The following CSMD1 variants were observed in gnomAD, a reference collection of about 807,000 sequenced individuals.
The protein encoded by CSMD1 is CUB and Sushi multiple domains 1.
Under a neutral mutation model 417.5 loss-of-function variants are expected in CSMD1, and 213 were observed. The observed-to-expected ratio is 0.51, with a 90% CI of 0.46 to 0.57. CSMD1 has a LOEUF of 0.57. Among genes scored for constraint, CSMD1 ranks in the 20% least tolerant of loss-of-function variants. The pLI, the probability that CSMD1 is intolerant of heterozygous loss-of-function variation, is 0.00. For synonymous variants in CSMD1, 2,862 were observed against 1,736.8 expected (o/e 1.65, Z -16.11); for missense variants, 6,923 against 4,529.7 (o/e 1.53, Z -15.17).
chr8:3,819,561 C>CACTT (rs3219854), intron 5 of CSMD1, among the ~76,000 whole-genome samples: 63,278 of 149,682 alleles, frequency 0.42, 14,528 homozygotes, highest in East Asian at 0.61. Context: ...CACACACACA[C>CACTT]GTATGTATAT....
intron 5 of CSMD1, among the ~76,000 whole-genome samples, chr8:3,842,543 T>C (rs1258603982): frequency 1.3e-5 from 2 of 151,976 alleles, no homozygotes; most frequent in Non-Finnish European, 2.9e-5. Flanking sequence ...AGGTCAGAAA[T>C]TGTAAATCCT....
At chr8:4,640,449 G>A (rs1049586939) in intron 1 of CSMD1, among the ~76,000 whole-genome samples, 2 of 152,112 alleles carry the variant, frequency 1.3e-5, no homozygotes, top group Non-Finnish European at 2.9e-5. Context: ...GAACAGAATA[G>A]AAAGCCATAA....
intron 37 of CSMD1, among the ~76,000 whole-genome samples, chr8:3,163,546 C>A (rs549121333): frequency 1.0e-3 from 157 of 152,128 alleles, no homozygotes; most frequent in African/African-American, 3.6e-3. Context: ...TGCCCTGAAG[C>A]CAGTCAGCTT....
At chr8:3,416,157 C>T (rs528585651) in intron 12 of CSMD1, among the ~76,000 whole-genome samples, 7 of 101,996 alleles carry the variant, frequency 6.9e-5, no homozygotes, top group South Asian at 8.6e-4. Context: ...AAAAATTAGC[C>T]GGGCGTGTTG....
intron 1 of CSMD1, among the ~76,000 whole-genome samples, chr8:4,974,884 C>T (rs1035924106): frequency 6.6e-6 from 1 of 151,904 alleles, no homozygotes; most frequent in Non-Finnish European, 1.5e-5. Flanking sequence ...TCAACTTTCA[C>T]ACAAAAAAAC....
At chr8:4,974,045 G>C (rs1368049768) in intron 1 of CSMD1, among the ~76,000 whole-genome samples, 1 of 152,030 alleles carries the variant, frequency 6.6e-6, no homozygotes, top group Non-Finnish European at 1.5e-5. Context: ...ATTTTAGACA[G>C]AGTCTCACCC....
intron 50 of CSMD1, among the ~76,000 whole-genome samples, chr8:3,046,991 T>C (rs1481702627): frequency 6.6e-6 from 1 of 152,058 alleles, no homozygotes; most frequent in Non-Finnish European, 1.5e-5. Flanking sequence ...GGGTGAATCA[T>C]GAAGTCAGGA....
At chr8:4,957,850 G>A (rs1809223448) in intron 1 of CSMD1, among the ~76,000 whole-genome samples, 1 of 152,160 alleles carries the variant, frequency 6.6e-6, no homozygotes. Flanking sequence ...CTCAGCTCCT[G>A]CAGTCACTCT....
chr8:3,179,892 C>CTTAT (rs1821207557), intron 37 of CSMD1, among the ~76,000 whole-genome samples: 1 of 152,154 alleles, frequency 6.6e-6, no homozygotes, highest in Non-Finnish European at 1.5e-5. Flanking sequence ...GACAAATGCC[C>CTTAT]ATAATAAGCA....
intron 17 of CSMD1, among the ~76,000 whole-genome samples, chr8:3,389,902 T>C (rs1160966291): frequency 6.6e-6 from 1 of 152,216 alleles, no homozygotes; most frequent in Non-Finnish European, 1.5e-5. Flanking sequence ...TTTTGAAATA[T>C]GCAGACATTG....
intron 2 of CSMD1, among the ~76,000 whole-genome samples, chr8:4,426,664 A>C (rs773047190): frequency 2.0e-5 from 3 of 146,958 alleles, no homozygotes; most frequent in African/African-American, 7.4e-5. Flanking sequence ...TTTTATAGTA[A>C]TATTTTATTA....
At chr8:4,045,079 G>T (rs1009831988) in intron 3 of CSMD1, among the ~76,000 whole-genome samples, 4 of 152,142 alleles carry the variant, frequency 2.6e-5, no homozygotes, top group Non-Finnish European at 4.4e-5. Context: ...GTATGGTGTG[G>T]AGGCCACAGA....
Position 3,213,371 on chromosome 8 carries a change from G to A in CSMD1, c.4867+1126C>T, listed in dbSNP as rs1797718762. ...TACAAGTCAAGGGTCCACAGCCTGA[G>A]GAGTGTTTGCCTATAGAGACCCCCA... On this transcript the variant is annotated intron_variant, in intron 30 of 69. Transcript: ENST00000635120. Among the ~76,000 whole-genome samples the A allele has an allele frequency of 2.6e-5, 4 of 152,096 alleles. No homozygotes were observed. In the South Asian group the frequency reaches 6.2e-4, roughly 24 times the overall value.
chr8:4,688,223 A>G lies in CSMD1; in HGVS notation c.86-50665T>C, dbSNP rs377072523. 2.7e-3 allele frequency among the ~76,000 whole-genome samples: 408 copies of G among 152,300 alleles called. 3 individuals carry two copies. Among genetic ancestry groups the G allele is most frequent in the African/African-American group, 8.7e-3 (360 of 41,576 alleles). On this transcript the variant is annotated intron_variant, in intron 1 of 69. Coordinates refer to ENST00000635120, the MANE Select transcript of CSMD1 (RefSeq NM_033225.6). ...CTTTGGGTTTTAAATATCAATCCTT[A>G]TATCTTACGTCTTAGCTTCAGATAC...
At chr8:3,459,386 T>C (rs1346835794) in intron 12 of CSMD1, among the ~76,000 whole-genome samples, 2 of 152,074 alleles carry the variant, frequency 1.3e-5, no homozygotes, top group Admixed American at 6.5e-5. Flanking sequence ...GGTGGATCCT[T>C]CTCATACAAC....
intron 25 of CSMD1, among the ~76,000 whole-genome samples, chr8:3,291,517 C>T (rs987806417): frequency 6.6e-6 from 1 of 152,102 alleles, no homozygotes; most frequent in Non-Finnish European, 1.5e-5. Context: ...TGTTATTGGT[C>T]TATTCAGAGA....
At chr8:4,093,844 C>T (rs1417655615) in intron 3 of CSMD1, among the ~76,000 whole-genome samples, 1 of 151,920 alleles carries the variant, frequency 6.6e-6, no homozygotes, top group Non-Finnish European at 1.5e-5. Flanking sequence ...GCCTGTAATC[C>T]CAGCAATCGG....
At chr8:4,808,068 T>C (rs997035720) in intron 1 of CSMD1, among the ~76,000 whole-genome samples, 5 of 152,188 alleles carry the variant, frequency 3.3e-5, no homozygotes, top group Admixed American at 3.3e-4. Context: ...AATACTCGTG[T>C]GGGCTCAATG....
chr8:4,397,820 A>G (rs1235070394), intron 3 of CSMD1, among the ~76,000 whole-genome samples: 4 of 152,158 alleles, frequency 2.6e-5, no homozygotes, highest in African/African-American at 9.7e-5. Flanking sequence ...TACAATATTT[A>G]TAATCGGAAA....
Sources: allele counts gnomAD v4.1 joint callset (sites outside exome capture counted in the v4.1 genomes callset), GRCh38; gene constraint gnomAD v4.1.1; transcripts MANE v1.5; gene names NCBI Gene and HGNC (gene_info 2026-07-23, HGNC 2026-07-21).